Variants in NAV2 observed in about 807,000 individuals in gnomAD.
The protein encoded by NAV2 is neuron navigator 2, also known as helicase, APC down-regulated 1.
Under a neutral mutation model 223.2 loss-of-function variants are expected in NAV2, and 54 were observed. The ratio of observed to expected loss-of-function variants is 0.24; its 90% CI spans 0.19 to 0.30. NAV2 has a LOEUF of 0.30. Ranked by LOEUF, NAV2 falls within the 10% of genes least tolerant of loss-of-function variation. The probability of loss-of-function intolerance (pLI) is 1.00; values close to 1 mark genes in which losing one functional copy is unlikely to be tolerated. For synonymous variants in NAV2, 1,279 were observed against 1,239.3 expected (o/e 1.03, Z -0.67); for missense variants, 2,806 against 3,147.5 (o/e 0.89, Z 2.60).
intron 1 of NAV2, among the ~76,000 whole-genome samples, chr11:19,481,018 G>C (rs1437297553): frequency 6.6e-6 from 1 of 152,214 alleles, no homozygotes; most frequent in Non-Finnish European, 1.5e-5. Context: ...TGAGACATCA[G>C]CCATAAGGAT....
rs541992257 is a variant in NAV2, at chr11:19,940,643, A to G, written c.2146+870A>G. Among the ~76,000 whole-genome samples the G allele has an allele frequency of 2.5e-3, 380 of 152,326 alleles. 2 individuals carry two copies. The highest frequency in any genetic ancestry group is 8.8e-3 in the African/African-American group (366 of 41,572). On this transcript the variant is annotated intron_variant, in intron 8 of 37. Coordinates refer to ENST00000349880, the MANE Select transcript of NAV2 (RefSeq NM_145117.5). ...GCTTAAAATCCATTTATTGAACTGA[A>G]TATCCCTGACTACAGCATTTTAATA...
At chr11:19,603,134 T>C (rs2046391355) in intron 1 of NAV2, among the ~76,000 whole-genome samples, 1 of 152,220 alleles carries the variant, frequency 6.6e-6, no homozygotes, top group Non-Finnish European at 1.5e-5. Context: ...GTAGTAGCTT[T>C]GCCTTGTGGG....
intron 1 of NAV2, among the ~76,000 whole-genome samples, chr11:19,580,887 T>C (rs2045696350): frequency 6.6e-6 from 1 of 152,236 alleles, no homozygotes; most frequent in Non-Finnish European, 1.5e-5. Context: ...ACTGTAATAA[T>C]TTATCCTCCC....
At chr11:20,085,943 C>A (rs1008908486) in intron 26 of NAV2, among the ~76,000 whole-genome samples, 1 of 152,204 alleles carries the variant, frequency 6.6e-6, no homozygotes, top group Admixed American at 6.5e-5. Flanking sequence ...GAACACATAG[C>A]AGCCTCTGCC....
At chr11:19,794,303 G>C (rs1383269929) in intron 1 of NAV2, among the ~76,000 whole-genome samples, 1 of 152,124 alleles carries the variant, frequency 6.6e-6, no homozygotes, top group Non-Finnish European at 1.5e-5. Flanking sequence ...ACTGTTGTTA[G>C]GGTCCCACAC....
intron 10 of NAV2, among the ~76,000 whole-genome samples, chr11:19,970,244 C>G (rs1412642472): frequency 6.6e-6 from 1 of 152,180 alleles, no homozygotes. Flanking sequence ...TCTCAGCTCA[C>G]TGCAACCTCC....
At chr11:19,961,467 A>G (rs1297462143) in intron 10 of NAV2, among the ~76,000 whole-genome samples, 1 of 152,220 alleles carries the variant, frequency 6.6e-6, no homozygotes, top group Non-Finnish European at 1.5e-5. Context: ...AAAGACTCAA[A>G]ACAGAAGGCT....
At chr11:19,882,672 A>C (rs2063287827) in intron 5 of NAV2, among the ~76,000 whole-genome samples, 1 of 152,212 alleles carries the variant, frequency 6.6e-6, no homozygotes, top group African/African-American at 2.4e-5. Flanking sequence ...TCTCCCAGTA[A>C]GCCAAAACAT....
intron 36 of NAV2, among the ~76,000 whole-genome samples, chr11:20,111,842 A>G (rs1222542608): frequency 6.6e-6 from 1 of 152,262 alleles, no homozygotes; most frequent in Non-Finnish European, 1.5e-5. Context: ...ATGAAGCCCA[A>G]AAGTTCCCCA....
At chr11:19,568,461 T>G (rs2045333201) in intron 1 of NAV2, among the ~76,000 whole-genome samples, 1 of 152,130 alleles carries the variant, frequency 6.6e-6, no homozygotes, top group South Asian at 2.1e-4. Context: ...GGAGCCCAGT[T>G]CTGGATTGTG....
intron 1 of NAV2, among the ~76,000 whole-genome samples, chr11:19,778,649 C>T (rs1455173410): frequency 6.6e-6 from 1 of 152,186 alleles, no homozygotes; most frequent in Admixed American, 6.5e-5. Context: ...TGGCACCTTG[C>T]TTTTCATACT....
chr11:20,028,613 T>C (rs139538557), intron 11 of NAV2, among the ~76,000 whole-genome samples: 2 of 152,352 alleles, frequency 1.3e-5, no homozygotes, highest in African/African-American at 4.8e-5. Flanking sequence ...CTGCCATCTT[T>C]CAGATGAGCT....
intron 5 of NAV2, chr11:19,884,153 T>C (rs1053804242): frequency 3.2e-5 from 19 of 595,292 alleles, no homozygotes; most frequent in Admixed American, 6.0e-5. Flanking sequence ...GAAAGAAAGC[T>C]GTGTGTCATA....
intron 11 of NAV2, among the ~76,000 whole-genome samples, chr11:20,029,918 G>C (rs1477385503): frequency 6.6e-6 from 1 of 152,170 alleles, no homozygotes; most frequent in East Asian, 1.9e-4. Flanking sequence ...AGGAAATCAT[G>C]CTTTTGTGTT....
intron 1 of NAV2, among the ~76,000 whole-genome samples, chr11:19,749,495 A>C (rs1590295558): frequency 6.6e-6 from 1 of 152,372 alleles, no homozygotes; most frequent in East Asian, 1.9e-4. Flanking sequence ...GTTTAGATTC[A>C]GTCAGAATGA....
chr11:19,624,385 C>T (rs2047100341), intron 1 of NAV2, among the ~76,000 whole-genome samples: 1 of 152,210 alleles, frequency 6.6e-6, no homozygotes, highest in East Asian at 1.9e-4. Context: ...CAGAGGCAGG[C>T]AGGCCTCCTC....
intron 1 of NAV2, among the ~76,000 whole-genome samples, chr11:19,684,337 G>A (rs2048962327): frequency 6.6e-6 from 1 of 152,058 alleles, no homozygotes; most frequent in Admixed American, 6.5e-5. Flanking sequence ...ATTGACTCAT[G>A]TGTCAATGCC....
At chr11:19,541,478 A>G (rs1437802462) in intron 1 of NAV2, among the ~76,000 whole-genome samples, 1 of 152,250 alleles carries the variant, frequency 6.6e-6, no homozygotes, top group African/African-American at 2.4e-5. Context: ...GGGAACTGCC[A>G]GCCGATGGTT....
intron 10 of NAV2, among the ~76,000 whole-genome samples, chr11:19,953,738 A>T (rs2047583921): frequency 6.6e-6 from 1 of 152,224 alleles, no homozygotes; most frequent in Admixed American, 6.5e-5. Context: ...GACAGACTTG[A>T]GATTTAATCC....
Sources: gnomAD v4.1 joint callset for allele counts (sites outside exome capture counted in the v4.1 genomes callset) on GRCh38, gnomAD v4.1.1 for gene constraint, MANE v1.5 for transcripts, NCBI Gene and HGNC (gene_info 2026-07-23, HGNC 2026-07-21) for gene names.